SNX13: variants seen among roughly 807,000 people sequenced by gnomAD.
SNX13 encodes the protein sorting nexin-13.
In SNX13, 45 loss-of-function variants were observed where a neutral mutation model predicts 133.6. That is an observed-to-expected ratio of 0.34 (90% CI 0.27 to 0.43). The LOEUF (loss-of-function observed/expected upper bound fraction) is 0.43. Ranked by LOEUF, SNX13 falls within the 20% of genes least tolerant of loss-of-function variation. SNX13 has a pLI of 1.00. For missense variants in SNX13, 1,032 were observed against 1,145.1 expected (o/e 0.90, Z 1.43); for synonymous variants, 414 against 373.9 (o/e 1.11, Z -1.24).
chr7:17,891,379 G>A (rs900434975), intron 4 of SNX13, among the ~76,000 whole-genome samples, 167 bp downstream of exon 4: 8 of 151,984 alleles, frequency 5.3e-5, no homozygotes, highest in African/African-American at 1.9e-4. Context: ...CACCTCATTA[G>A]AAGTGAGTTA....
chr7:17,918,327 AAC>A (rs1251490523), intron 1 of SNX13, among the ~76,000 whole-genome samples: 10 of 152,174 alleles, frequency 6.6e-5, no homozygotes, highest in Non-Finnish European at 1.2e-4. Context: ...AGAAACTATC[AAC>A]AGAGTAAACA....
intron 1 of SNX13, among the ~76,000 whole-genome samples, chr7:17,937,763 T>C (rs1217908842): frequency 6.6e-6 from 1 of 152,228 alleles, no homozygotes; most frequent in Non-Finnish European, 1.5e-5. Context: ...GTCTCCTCCA[T>C]TCTTTATACA....
chr7:17,805,250 T>TGTGTGTGTGTGTGCGCGCGCGCGC, intron 20 of SNX13, among the ~76,000 whole-genome samples: 12 of 95,556 alleles, frequency 1.3e-4, no homozygotes, highest in African/African-American at 1.9e-4. Context: ...TGTGTGTGTG[T>TGTGTGTGTGTGTGCGCGCGCGCGC]GCGTGCGCGC....
At chr7:17,843,581 C>T (rs1790154058) in intron 12 of SNX13, among the ~76,000 whole-genome samples, 1 of 152,004 alleles carries the variant, frequency 6.6e-6, no homozygotes, top group Admixed American at 6.6e-5. Flanking sequence ...GTAGATTTAA[C>T]AAGCATACAG....
At chr7:17,897,297 A>T in intron 2 of SNX13, 37 bp downstream of exon 2, 2 of 1,167,684 alleles carry the variant, frequency 1.7e-6, no homozygotes, top group South Asian at 3.8e-5. Context: ...ACAAGATATG[A>T]CACATGAATT....
intron 1 of SNX13, among the ~76,000 whole-genome samples, chr7:17,933,371 G>A (rs919391568): frequency 6.6e-6 from 1 of 152,016 alleles, no homozygotes; most frequent in Non-Finnish European, 1.5e-5. Context: ...GTGAAACCCC[G>A]TCTCTACTAA....
chr7:17,857,578 G>A (rs1792077599), intron 9 of SNX13, among the ~76,000 whole-genome samples: 2 of 152,132 alleles, frequency 1.3e-5, no homozygotes, highest in African/African-American at 4.8e-5. Context: ...GAGGTCAGGA[G>A]TTCAAGACCA....
At chr7:17,870,649 G>A (rs1354400719) in intron 8 of SNX13, among the ~76,000 whole-genome samples, 1 of 152,186 alleles carries the variant, frequency 6.6e-6, no homozygotes, top group Non-Finnish European at 1.5e-5. Flanking sequence ...GCCATCAAGA[G>A]GGTAAATGGG....
At chr7:17,905,034 G>T (rs1342140106) in intron 1 of SNX13, among the ~76,000 whole-genome samples, 3 of 152,038 alleles carry the variant, frequency 2.0e-5, no homozygotes, top group Non-Finnish European at 4.4e-5. Context: ...AGGGAAGGAG[G>T]GAAAGGACAG....
At chr7:17,844,238 T>G (rs1583448902) in intron 12 of SNX13, among the ~76,000 whole-genome samples, 1 of 151,980 alleles carries the variant, frequency 6.6e-6, no homozygotes, top group East Asian at 1.9e-4. Context: ...GTGGGGATAT[T>G]ACTAATGACT....
chr7:17,830,998 T>A, intron 15 of SNX13: 1 of 984,340 alleles, frequency 1.0e-6, no homozygotes, highest in Non-Finnish European at 1.2e-6. Context: ...GAATTTCACC[T>A]AGGATTATCC....
chr7:17,937,384 C>G (rs893847924), intron 1 of SNX13, among the ~76,000 whole-genome samples: 12 of 151,958 alleles, frequency 7.9e-5, no homozygotes, highest in Admixed American at 7.9e-4. Flanking sequence ...TGCAGTGGCT[C>G]ACGCCTGTAA....
At chr7:17,910,046 A>G (rs1421653486) in intron 1 of SNX13, among the ~76,000 whole-genome samples, 2 of 152,194 alleles carry the variant, frequency 1.3e-5, no homozygotes, top group African/African-American at 4.8e-5. Flanking sequence ...TGACTCCTAG[A>G]GCAAAGGTAG....
chr7:17,883,373 T>G (rs1436803735), intron 5 of SNX13, among the ~76,000 whole-genome samples: 3 of 152,202 alleles, frequency 2.0e-5, no homozygotes, highest in Non-Finnish European at 2.9e-5. Context: ...TTCTTAAGTA[T>G]GTTAAAGTAT....
intron 13 of SNX13, among the ~76,000 whole-genome samples, chr7:17,837,304 T>C (rs536864574): frequency 6.6e-6 from 1 of 151,874 alleles, no homozygotes; most frequent in Non-Finnish European, 1.5e-5. Context: ...CTAATTTTCT[T>C]TTCTCTTTTT....
chr7:17,805,211 T>TTGTG (rs55946438), intron 20 of SNX13, among the ~76,000 whole-genome samples: 16,129 of 118,094 alleles, frequency 0.14, 1,249 homozygotes, highest in Middle Eastern at 0.2. Flanking sequence ...TAATGATTCT[T>TTGTG]TGTGTGTGTG....
intron 11 of SNX13, 26 bp downstream of exon 11, chr7:17,850,321 C>T (rs747821510): frequency 6.7e-6 from 10 of 1,483,804 alleles, no homozygotes; most frequent in Non-Finnish European, 6.4e-6. Flanking sequence ...TATAACTAAA[C>T]GTTAATTCAA....
intron 21 of SNX13, 88 bp downstream of exon 21, chr7:17,803,331 G>C (rs924631433): frequency 8.2e-7 from 1 of 1,223,586 alleles, no homozygotes; most frequent in Non-Finnish European, 1.1e-6. Context: ...ATAAGGTTAA[G>C]GGACTAAGGT....
intron 1 of SNX13, among the ~76,000 whole-genome samples, chr7:17,930,986 G>T (rs913396340): frequency 8.5e-5 from 13 of 152,172 alleles, no homozygotes; most frequent in African/African-American, 2.9e-4. Context: ...GCCGTCCGTG[G>T]AAAAACTGTC....
Sources: gnomAD v4.1 joint callset for allele counts (sites outside exome capture counted in the v4.1 genomes callset) on GRCh38, gnomAD v4.1.1 for gene constraint, MANE v1.5 for transcripts, NCBI Gene and HGNC (gene_info 2026-07-23, HGNC 2026-07-21) for gene names.